XIAP: variants seen among roughly 807,000 people sequenced by gnomAD.
XIAP encodes the protein X-linked inhibitor of apoptosis.
In XIAP, 3 loss-of-function variants were observed where a neutral mutation model predicts 33.1. The observed-to-expected ratio is 0.09, with a 90% CI of 0.04 to 0.23. The LOEUF is 0.23. XIAP is among the 10% of genes least tolerant of loss of function. The pLI is 1.00. For synonymous variants in XIAP, 98 were observed against 121.3 expected, an observed-to-expected ratio of 0.81 and a Z score of 1.26; for missense variants, 264 against 363.0, an observed-to-expected ratio of 0.73 and a Z score of 2.22.
At chrX:123,871,389 A>G (rs781754208) in intron 1 of XIAP, among the ~76,000 whole-genome samples, 2 of 112,891 alleles carry the variant, frequency 1.8e-5, no homozygotes, top group East Asian at 2.8e-4. Flanking sequence ...ACTGCTTTCT[A>G]ATCACTCTGT....
upstream of XIAP, chrX:123,859,976 G>C (rs1361757603): frequency 3.4e-6 from 1 of 292,338 alleles, no homozygotes; most frequent in Non-Finnish European, 6.7e-6. Context: ...CTCCCGGCCG[G>C]GGGTGGGAGG....
chrX:123,873,918 A>T (rs756075703), intron 1 of XIAP: 1 of 105,640 alleles, frequency 9.5e-6, no homozygotes, highest in Non-Finnish European at 1.9e-5. Context: ...TGGGCGACAC[A>T]GCAAGAGTCC....
At chrX:123,865,172 A>G (rs183394714) in intron 1 of XIAP, among the ~76,000 whole-genome samples, 1 of 110,222 alleles carries the variant, frequency 9.1e-6, no homozygotes, top group East Asian at 2.8e-4. Flanking sequence ...AGCACTATTA[A>G]AGGACATTGT....
intron 1 of XIAP, among the ~76,000 whole-genome samples, chrX:123,863,134 G>T (rs1428718118): frequency 9.0e-6 from 1 of 110,950 alleles, no homozygotes; most frequent in Non-Finnish European, 1.9e-5. Context: ...ACTCTTTGTA[G>T]ATAAGAACAT....
At chrX:123,897,170 C>G (rs760534406) in intron 5 of XIAP, among the ~76,000 whole-genome samples, 126 of 109,329 alleles carry the variant, frequency 1.2e-3, no homozygotes, top group African/African-American at 4.1e-3. Context: ...TCAGGTGATC[C>G]GCCTGCCTCG....
At chrX:123,894,566 C>G (rs756387274) in intron 5 of XIAP, among the ~76,000 whole-genome samples, 2 of 110,984 alleles carry the variant, frequency 1.8e-5, no homozygotes, top group East Asian at 2.8e-4. Flanking sequence ...GTCCAGAGTT[C>G]CAGACCAGCC....
chrX:123,892,128 G>A (rs1447084850), intron 4 of XIAP, among the ~76,000 whole-genome samples: 1 of 111,629 alleles, frequency 9.0e-6, no homozygotes, highest in Non-Finnish European at 1.9e-5. Flanking sequence ...CACTTTGGGA[G>A]GCCGAGGCAG....
Position 123,913,494 on chromosome X carries a change from TA to T in XIAP, c.*6314del, listed in dbSNP as rs1162967595. 7 of 327,442 alleles carry T rather than the reference TA, an allele frequency of 2.1e-5. No individual in the cohort carries two copies. Among genetic ancestry groups the T allele is most frequent in the Non-Finnish European group, 4.1e-5 (7 of 169,620 alleles). The allele number at this position is 327,442 out of a possible 1,213,427, so 27.0% of individuals were successfully genotyped here. ...CAAAAACAAAACAAAACAAAAAAAT[TA>T]GACAAATGCTACATTAATGTTTGGG... On this transcript the variant is annotated 3_prime_UTR_variant, in exon 7 of 7. Transcript: ENST00000371199.
chrX:123,875,839 C>T (rs1422320439), intron 1 of XIAP, among the ~76,000 whole-genome samples: 1 of 110,921 alleles, frequency 9.0e-6, no homozygotes. Flanking sequence ...GCATGTGCCA[C>T]CACGCCTGAC....
At chrX:123,880,951 C>T (rs192358301) in intron 1 of XIAP, among the ~76,000 whole-genome samples, 1 of 110,392 alleles carries the variant, frequency 9.1e-6, no homozygotes, top group Admixed American at 9.9e-5. Context: ...TACTGTAAAA[C>T]CTTACATATC....
chrX:123,906,371 C>G (rs1254789982), intron 6 of XIAP, among the ~76,000 whole-genome samples: 1 of 111,428 alleles, frequency 9.0e-6, no homozygotes, highest in Admixed American at 9.6e-5. Context: ...TCTGAAGATC[C>G]CAAACCTGTA....
upstream of XIAP, chrX:123,859,871 G>T: frequency 4.0e-6 from 1 of 252,820 alleles, no homozygotes; most frequent in Non-Finnish European, 7.5e-6. Context: ...CCCGGAGCCG[G>T]CGTGGCGCTC....
chrX:123,881,449 TC>T (rs2053303307), intron 1 of XIAP, among the ~76,000 whole-genome samples: 1 of 111,589 alleles, frequency 9.0e-6, no homozygotes, highest in African/African-American at 3.3e-5. Context: ...CAGTCATCCT[TC>T]CACCTTTCAC....
intron 1 of XIAP, among the ~76,000 whole-genome samples, chrX:123,875,386 G>A (rs1321966080): frequency 2.7e-5 from 3 of 111,460 alleles, no homozygotes. Flanking sequence ...GATGGTTCAA[G>A]AGATAATCAT....
In XIAP at chrX:123,867,049, C is replaced by CGCCA. The variant is rs35471589; in HGVS notation, c.-33+6756_-33+6757insGCCA. Among the ~76,000 whole-genome samples the CGCCA allele has an allele frequency of 6.5e-4, 36 of 55,075 alleles. 5 individuals carry two copies. The highest frequency in any genetic ancestry group is 5.9e-3 in the Admixed American group (26 of 4,405). The allele number at this position is 55,075 out of a possible 115,157, so 47.8% of individuals were successfully genotyped here. A position where few individuals can be genotyped will look rare whatever the true frequency, so the allele number is the denominator to read the frequency against. ...CAGGTTGTTTTAATCCCCCCCCCCC[C>CGCCA]TTCAACATTCTATAGTTAACATTTC... On this transcript the variant is annotated intron_variant, in intron 1 of 6. Coordinates refer to ENST00000371199, the MANE Select transcript of XIAP (RefSeq NM_001167.4).
chrX:123,905,718 A>G (rs2053551794), intron 6 of XIAP, among the ~76,000 whole-genome samples: 1 of 112,449 alleles, frequency 8.9e-6, no homozygotes, highest in Non-Finnish European at 1.9e-5. Flanking sequence ...TTTTCCAAAC[A>G]TGTTTTCAGA....
intron 1 of XIAP, among the ~76,000 whole-genome samples, chrX:123,881,634 C>T (rs974772312): frequency 3.6e-5 from 4 of 111,945 alleles, no homozygotes; most frequent in African/African-American, 1.3e-4. Flanking sequence ...CACTCAAAAG[C>T]TTCAAATTGA....
At chrX:123,875,590 A>C (rs2053237082) in intron 1 of XIAP, among the ~76,000 whole-genome samples, 1 of 112,639 alleles carries the variant, frequency 8.9e-6, no homozygotes, top group Admixed American at 9.5e-5. Context: ...TTTGATTATT[A>C]ATGAGGTTTA....
At chrX:123,901,048 C>G (rs757904504) in intron 6 of XIAP, among the ~76,000 whole-genome samples, 5 of 107,371 alleles carry the variant, frequency 4.7e-5, no homozygotes, top group Admixed American at 1.0e-4. Context: ...GGTCTCTTTT[C>G]CTCTACTTTT....
Sources: gnomAD v4.1 joint callset for allele counts (sites outside exome capture counted in the v4.1 genomes callset) on GRCh38, gnomAD v4.1.1 for gene constraint, MANE v1.5 for transcripts, NCBI Gene and HGNC (gene_info 2026-07-23, HGNC 2026-07-21) for gene names.